The following VRK2 variants were observed in gnomAD, a reference collection of about 807,000 sequenced individuals.
VRK2 encodes the protein VRK serine/threonine kinase 2, also known as serine/threonine-protein kinase VRK2.
In VRK2, 60 loss-of-function variants were observed where a neutral mutation model predicts 57.6. The ratio of observed to expected loss-of-function variants is 1.04; its 90% CI spans 0.85 to 1.29. The LOEUF is 1.29. Among genes scored for constraint, VRK2 ranks in the 50% most tolerant of loss-of-function variants. The pLI, the probability that VRK2 is intolerant of heterozygous loss-of-function variation, is 0.00. For missense variants in VRK2, 705 were observed against 588.1 expected (o/e 1.20, Z -2.06); for synonymous variants, 231 against 199.2 (o/e 1.16, Z -1.35).
intron 11 of VRK2, among the ~76,000 whole-genome samples, chr2:58,142,148 G>GA (rs561068250): frequency 5.9e-5 from 9 of 151,780 alleles, no homozygotes; most frequent in Admixed American, 3.3e-4. Context: ...GTATTCAAGG[G>GA]AAAAAAGTTG....
At chr2:58,114,502 C>G (rs1379602828) in intron 7 of VRK2, among the ~76,000 whole-genome samples, 3 of 152,190 alleles carry the variant, frequency 2.0e-5, no homozygotes, top group Admixed American at 2.0e-4. Context: ...AGCGTCTATA[C>G]AGGAGCTTAA....
chr2:57,930,141 G>T (rs1489255780), intron 1 of VRK2, among the ~76,000 whole-genome samples: 1 of 152,174 alleles, frequency 6.6e-6, no homozygotes, highest in Non-Finnish European at 1.5e-5. Context: ...ACTTGCCGAA[G>T]AATTGCAGAC....
At chr2:57,999,395 A>T (rs148703412) in intron 1 of VRK2, among the ~76,000 whole-genome samples, 116 of 152,298 alleles carry the variant, frequency 7.6e-4, no homozygotes, top group African/African-American at 2.7e-3. Context: ...AAATTTCTAC[A>T]TGTATGCACG....
chr2:58,158,220 C>G (rs1345302418), intron 12 of VRK2, among the ~76,000 whole-genome samples: 1 of 152,118 alleles, frequency 6.6e-6, no homozygotes, highest in Admixed American at 6.5e-5. Flanking sequence ...TATAGGCCTA[C>G]TGGAATAATT....
Position 58,159,418 on chromosome 2 carries a change from C to T in VRK2, c.1252C>T (p.Gln418Ter). ...TTTGAATGAAGTAAACAGTTTCCCA[C>T]AAAAAATCAGCTATACACAATTCCC... is the stretch of plus-strand genomic sequence containing the variant. ...EPLNEVNSFP[Q>*]KISYTQFPNS... The change falls in exon 13 of 13, where the codon CAA becomes TAA. Residue 418 changes from glutamine (Q) to a stop codon, truncating the protein, a stop_gained. Transcript: ENST00000340157. LOFTEE classifies it low-confidence loss of function (END_TRUNC). 1 of 1,613,496 alleles carries T rather than the reference C, an allele frequency of 6.2e-7. No individual in the cohort carries two copies. Among genetic ancestry groups the T allele is most frequent in the Non-Finnish European group, 8.5e-7 (1 of 1,179,674 alleles).
chr2:58,004,874 G>C (rs554385215), intron 1 of VRK2, among the ~76,000 whole-genome samples: 2 of 152,268 alleles, frequency 1.3e-5, no homozygotes, highest in East Asian at 3.9e-4. Flanking sequence ...TTCCAGTATA[G>C]TGGAAAATCA....
At chr2:58,140,322 T>G (rs1438788649) in intron 11 of VRK2, among the ~76,000 whole-genome samples, 2 of 152,026 alleles carry the variant, frequency 1.3e-5, no homozygotes, top group African/African-American at 2.4e-5. Context: ...AAATCATTTT[T>G]TAAAAGTTAC....
chr2:58,092,034 A>G lies in VRK2; in HGVS notation c.543+2311A>G, dbSNP rs529168907. Among the ~76,000 whole-genome samples, 17 of 152,328 alleles carry G rather than the reference A, an allele frequency of 1.1e-4. No homozygotes were observed. The South Asian group carries it at 3.5e-3, about 32-fold the overall frequency. The stretch of plus-strand genomic sequence containing the variant: ...CTTTTCAAAGATTAGGTTTTTTGAG[A>G]TATAATTTACAAACAGTAAATGTCA... On this transcript the variant is annotated intron_variant, in intron 7 of 12. Transcript: ENST00000340157.
At chr2:58,061,597 A>G (rs375628373) in intron 2 of VRK2, among the ~76,000 whole-genome samples, 31 of 152,010 alleles carry the variant, frequency 2.0e-4, no homozygotes, top group African/African-American at 7.5e-4. Flanking sequence ...CAGTAAAGCA[A>G]TAGCAGGATC....
chr2:57,999,846 G>A (rs1425532456), intron 1 of VRK2, among the ~76,000 whole-genome samples: 2 of 152,096 alleles, frequency 1.3e-5, no homozygotes, highest in Non-Finnish European at 2.9e-5. Context: ...AAATACTTGT[G>A]TATTAAAAAC....
At chr2:58,059,143 G>C (rs1319925013) in intron 2 of VRK2, among the ~76,000 whole-genome samples, 1 of 151,944 alleles carries the variant, frequency 6.6e-6, no homozygotes, top group African/African-American at 2.4e-5. Context: ...AAGAACATCT[G>C]ATATTTATAG....
chr2:58,051,150 AT>A (rs964703288), intron 2 of VRK2, among the ~76,000 whole-genome samples: 19 of 151,310 alleles, frequency 1.3e-4, no homozygotes, highest in African/African-American at 4.1e-4. Context: ...CAGCCTACTT[AT>A]TTTTTTTTAT....
intron 10 of VRK2, among the ~76,000 whole-genome samples, chr2:58,137,522 G>C (rs1484996636): frequency 6.6e-6 from 1 of 151,862 alleles, no homozygotes; most frequent in Non-Finnish European, 1.5e-5. Flanking sequence ...GCAGATTTCT[G>C]TTTCTAAAGC....
chr2:58,107,424 G>C (rs1674917950), intron 7 of VRK2, among the ~76,000 whole-genome samples: 2 of 151,834 alleles, frequency 1.3e-5, no homozygotes, highest in African/African-American at 4.8e-5. Context: ...ATATTTTCTG[G>C]AACAATTTAT....
intron 12 of VRK2, among the ~76,000 whole-genome samples, chr2:58,151,810 A>G (rs1199630054): frequency 8.4e-6 from 1 of 119,664 alleles, no homozygotes; most frequent in East Asian, 2.5e-4. Flanking sequence ...TCCATAGCCT[A>G]TGGGCCAAAT....
intron 7 of VRK2, among the ~76,000 whole-genome samples, chr2:58,095,607 T>G (rs183615613): frequency 6.6e-6 from 1 of 152,226 alleles, no homozygotes; most frequent in Admixed American, 6.5e-5. Context: ...TTTCCATGCA[T>G]TAATTTTATA....
intron 2 of VRK2, among the ~76,000 whole-genome samples, chr2:58,081,857 C>CGTGTGT (rs369430200): frequency 0.014 from 2,058 of 142,184 alleles, 20 homozygotes; most frequent in East Asian, 0.037. Context: ...ATACCATGTC[C>CGTGTGT]GTGTGTGTGT....
At chr2:58,001,124 A>C (rs1673076167) in intron 1 of VRK2, among the ~76,000 whole-genome samples, 1 of 152,244 alleles carries the variant, frequency 6.6e-6, no homozygotes, top group Admixed American at 6.5e-5. Flanking sequence ...ATGGAATAAA[A>C]AAAGAAGCCC....
chr2:58,067,989 G>A lies in VRK2; in HGVS notation c.137-16100G>A, dbSNP rs191393977. On this transcript the variant is annotated intron_variant, in intron 2 of 12. Coordinates refer to ENST00000340157, the MANE Select transcript of VRK2 (RefSeq NM_006296.7). ...TTGTCACCCAGCCTGGAGTGCAGTG[G>A]CACAATCTTGGCTCACTGCAGCCTG... Among the ~76,000 whole-genome samples, 488 of 151,474 alleles carry A rather than the reference G, an allele frequency of 3.2e-3. 8 individuals carry two copies. The highest frequency in any genetic ancestry group is 0.011 in the African/African-American group (464 of 41,272).
Sources: gnomAD v4.1 joint callset for allele counts (sites outside exome capture counted in the v4.1 genomes callset) on GRCh38, gnomAD v4.1.1 for gene constraint, MANE v1.5 for transcripts, NCBI Gene and HGNC (gene_info 2026-07-23, HGNC 2026-07-21) for gene names.